SNX15: variants seen among roughly 807,000 people sequenced by gnomAD.
The protein encoded by SNX15 is sorting nexin-15.
SNX15 carries 29 observed loss-of-function variants against 35.2 expected under a neutral mutation model. That is an observed-to-expected ratio of 0.82 (90% confidence interval 0.61 to 1.12). The LOEUF (loss-of-function observed/expected upper bound fraction) is 1.12. SNX15 is among the 50% of genes most tolerant of loss of function. The pLI is 0.00. For synonymous variants in SNX15, 189 were observed against 188.2 expected, an observed-to-expected ratio of 1.00 and a Z score of -0.03; for missense variants, 400 against 451.5, an observed-to-expected ratio of 0.89 and a Z score of 1.03.
chr11:65,037,640 T>C (rs1023094462), intron 6 of SNX15: 19 of 152,202 alleles, frequency 1.2e-4, no homozygotes, highest in African/African-American at 3.4e-4. Flanking sequence ...TACCCTGCCA[T>C]GGTGGGCACC....
chr11:65,034,705 C>T, intron 3 of SNX15, 142 bp from the exon 4 acceptor site: 1 of 628,818 alleles, frequency 1.6e-6, no homozygotes, highest in Non-Finnish European at 2.8e-6. Context: ...CAGGAGGAAC[C>T]AGGGCAGATT....
intron 7 of SNX15, among the ~76,000 whole-genome samples, chr11:65,039,235 A>AT (rs1444020017): frequency 7.1e-6 from 1 of 140,298 alleles, no homozygotes; most frequent in African/African-American, 2.7e-5. Context: ...ATTTATTTTT[A>AT]TTTTTTGAGA....
chr11:65,031,507 C>T (rs1042840006), intron 1 of SNX15, among the ~76,000 whole-genome samples: 3 of 152,240 alleles, frequency 2.0e-5, no homozygotes. Context: ...GATCTTCTCC[C>T]GCAGGGAAGG....
rs759383006 is a variant in SNX15 at position 65,027,564 on chromosome 11, C to T, written c.27C>T (p.Phe9=). MSRQAKDD[F]LRHYTVSDPR... is the part of the protein sequence containing the mutation. The stretch of plus-strand genomic sequence containing the variant: ...TGTCCCGCCAGGCGAAGGATGACTT[C>T]CTGCGGCACTACACAGTGTCGGACC... Residue 9 remains phenylalanine (F), a synonymous_variant, in exon 1 of 8, where the codon TTC becomes TTT. Transcript: ENST00000377244. 11 of 1,613,966 alleles carry T rather than the reference C, an allele frequency of 6.8e-6. No homozygotes were observed. The South Asian group carries it at 9.9e-5, about 14-fold the overall frequency.
In SNX15 at chr11:65,031,061, C is replaced by T. The variant is rs142737775; in HGVS notation, c.100-1107C>T. On this transcript the variant is annotated intron_variant, in intron 1 of 7. Transcript: ENST00000377244. ...TGTGAGAGACAGGGTCTCACTCTCT[C>T]CAGGCTGGAGTGCAGTGGTGCAATC... Among the ~76,000 whole-genome samples the T allele has an allele frequency of 2.6e-3, 399 of 152,126 alleles. 3 individuals carry two copies. The highest frequency in any genetic ancestry group is 9.3e-3 in the African/African-American group (385 of 41,504).
At chr11:65,032,644 G>C (rs1293723006) in intron 3 of SNX15, 93 bp downstream of exon 3, 12 of 1,495,240 alleles carry the variant, frequency 8.0e-6, no homozygotes, top group Non-Finnish European at 2.8e-6. Flanking sequence ...GAGAGGGCCT[G>C]AAACCCTGGG....
chr11:65,035,446 A>G, intron 5 of SNX15, 74 bp from the exon 6 acceptor site: 1 of 1,488,834 alleles, frequency 6.7e-7, no homozygotes. Flanking sequence ...CAAGGGTTTA[A>G]GGAGAGAGTA....
In SNX15 at chr11:65,039,029, C is replaced by CTTTTTTTTT. The variant is rs747153458; in HGVS notation, c.922+211_922+219dup. On this transcript the variant is annotated intron_variant, in intron 7 of 7. Coordinates refer to ENST00000377244, the MANE Select transcript of SNX15 (RefSeq NM_013306.5). ...TTGTGGCCTCAGTTTTCTTCTTCCT[C>CTTTTTTTTT]TTTTTTTTTTTTTTTTTTTGAGACA... 9.9e-4 allele frequency among the ~76,000 whole-genome samples: 72 copies of CTTTTTTTTT among 72,496 alleles called. 8 individuals carry two copies. Among genetic ancestry groups the CTTTTTTTTT allele is most frequent in the East Asian group, 2.7e-3 (11 of 4,064 alleles). The allele number at this position is 72,496 out of a possible 152,430, so 47.6% of individuals were successfully genotyped here. A position where few individuals can be genotyped will look rare whatever the true frequency, so the allele number is the denominator to read the frequency against.
intron 6 of SNX15, chr11:65,037,162 G>C (rs1488923384): frequency 3.9e-5 from 6 of 152,204 alleles, no homozygotes; most frequent in African/African-American, 1.4e-4. Flanking sequence ...GCAGCTAGCT[G>C]CCTGGGCAGG....
chr11:65,038,548 C>T (rs370680178), intron 6 of SNX15, 24 bp from the exon 7 acceptor site: 65 of 1,514,490 alleles, frequency 4.3e-5, no homozygotes, highest in African/African-American at 9.8e-5. Context: ...CAGTCTGGTC[C>T]GAGTCCTCCC....
rs1946560637 is a variant in SNX15, at chr11:65,039,852, C to T, written c.*60C>T. On this transcript the variant is annotated 3_prime_UTR_variant, in exon 8 of 8. Coordinates refer to ENST00000377244, the MANE Select transcript of SNX15 (RefSeq NM_013306.5). ...TGCACTGCCAGCCCCTTCTCCTCTC[C>T]CCAGGGCCTGGCCCTACCTCCTGGT... is the stretch of plus-strand genomic sequence containing the variant. 2.5e-6 allele frequency: 3 copies of T among 1,186,956 alleles called. No homozygotes were observed. The highest frequency in any genetic ancestry group is 3.9e-5 in the Admixed American group (2 of 51,090). The allele number at this position is 1,186,956 out of a possible 1,614,324, so 73.5% of individuals were successfully genotyped here. A position where few individuals can be genotyped will look rare whatever the true frequency, so the allele number is the denominator to read the frequency against.
At chr11:65,035,857 G>C (rs1946496502) in intron 6 of SNX15, 194 bp downstream of exon 6, 1 of 520,926 alleles carries the variant, frequency 1.9e-6, no homozygotes, top group South Asian at 4.0e-5. Context: ...GGTGTGGTGT[G>C]CTGGATGCAC....
chr11:65,035,071 A>C lies in SNX15; in HGVS notation c.385A>C (p.Thr129Pro). ...LKEFFRGGEVTRPLEVSRDLH... is the reference protein window; with the variant it reads ...LKEFFRGGEVPRPLEVSRDLH... ...TTCTGTCCTGCAGGGTGGGGAGGTG[A>C]CCCGACCCTTGGAGGTGTCCAGGGA... Residue 129 changes from threonine (T) to proline (P), a missense_variant, in exon 5 of 8, where the codon ACC (threonine) becomes CCC (proline). Physicochemically the swap from Thr to Pro is conservative, Grantham distance 38. Coordinates refer to ENST00000377244, the MANE Select transcript of SNX15 (RefSeq NM_013306.5). 6.2e-7 allele frequency: 1 copy of C among 1,612,994 alleles called. No homozygotes were observed. The highest frequency in any genetic ancestry group is 8.5e-7 in the Non-Finnish European group (1 of 1,179,678).
At chr11:65,039,501 C>G (rs1052742976) in intron 7 of SNX15, among the ~76,000 whole-genome samples, 185 bp from the exon 8 acceptor site, 1 of 152,192 alleles carries the variant, frequency 6.6e-6, no homozygotes, top group Admixed American at 6.5e-5. Flanking sequence ...GGATTACAGG[C>G]GTGAGCCACC....
In SNX15 at chr11:65,027,496, G is replaced by A. The variant is rs1336765184; in HGVS notation, c.-42G>A. 3 of 1,521,956 alleles carry A rather than the reference G, an allele frequency of 2.0e-6. No individual in the cohort carries two copies. The highest frequency in any genetic ancestry group is 2.7e-6 in the Non-Finnish European group (3 of 1,097,168). The allele number at this position is 1,521,956 out of a possible 1,614,324, so 94.3% of individuals were successfully genotyped here. The stretch of plus-strand genomic sequence containing the variant: ...TGGGCCGGAGGGGTGGGGACGGCGA[G>A]GAGGTGGAGGCCGGCGCTCCGCTCC... On this transcript the variant is annotated 5_prime_UTR_variant, in exon 1 of 8. Coordinates refer to ENST00000377244, the MANE Select transcript of SNX15 (RefSeq NM_013306.5).
chr11:65,035,168 C>G lies in SNX15; in HGVS notation c.482C>G (p.Pro161Arg). ...PDDPRLSQLL[P>R]AERRGLEELE... The stretch of plus-strand genomic sequence containing the variant: ...GACCCCCGGCTATCCCAACTGCTCC[C>G]TGCAGAAAGGAGGGGCCTCGAGGAA... Residue 161 changes from proline to arginine, a missense_variant, in exon 5 of 8, where the codon CCT becomes CGT. Physicochemically the swap from Pro to Arg is moderately radical, Grantham distance 103. Coordinates refer to ENST00000377244, the MANE Select transcript of SNX15 (RefSeq NM_013306.5). 1.3e-6 allele frequency: 2 copies of G among 1,591,488 alleles called. No individual in the cohort carries two copies. The highest frequency in any genetic ancestry group is 1.7e-6 in the Non-Finnish European group (2 of 1,170,820).
At position 65,040,088 on chromosome 11, in the gene SNX15, A is replaced by T; in HGVS notation, c.*296A>T. The stretch of plus-strand genomic sequence containing the variant: ...GGGATCGCGGCTCACTGCAACCTCC[A>T]CCTCCCAGGTTCAAGCAGTTCTCCT... On this transcript the variant is annotated 3_prime_UTR_variant, in exon 8 of 8. Transcript: ENST00000377244. 7.5e-6 allele frequency: 2 copies of T among 266,612 alleles called. No homozygotes were observed. The highest frequency in any genetic ancestry group is 6.8e-5 in the South Asian group (1 of 14,772). The allele number at this position is 266,612 out of a possible 1,614,324, so 16.5% of individuals were successfully genotyped here.
chr11:65,039,048 T>TTTTTTTTTTTTTTTTTTTTTTG (rs1946540115), intron 7 of SNX15, among the ~76,000 whole-genome samples: 1 of 138,148 alleles, frequency 7.2e-6, no homozygotes, highest in African/African-American at 2.7e-5. Flanking sequence ...TTTTTTTTTT[T>TTTTTTTTTTTTTTTTTTTTTTG]GAGACAGAGT....
Position 65,039,783 on chromosome 11 carries a change from C to T in SNX15, c.1020C>T (p.Leu340=), listed in dbSNP as rs1307186425. Residue 340 remains leucine, a synonymous_variant, in exon 8 of 8, where the codon CTC becomes CTT. Coordinates refer to ENST00000377244, the MANE Select transcript of SNX15 (RefSeq NM_013306.5). Reference sequence around the variant, plus strand: ...TCCTGCGCCTGCACCTGTCTCAACTCCCACCCTAACAGGGAGTGGGCCATT... The same window carrying T: ...TCCTGCGCCTGCACCTGTCTCAACTTCCACCCTAACAGGGAGTGGGCCATT... ...EEILRLHLSQ[L]PP 1 of 1,609,436 alleles carries T rather than the reference C, an allele frequency of 6.2e-7. No individual in the cohort carries two copies. Among genetic ancestry groups the T allele is most frequent in the Non-Finnish European group, 8.5e-7 (1 of 1,177,096 alleles).
Sources: gnomAD v4.1 joint callset for allele counts (sites outside exome capture counted in the v4.1 genomes callset) on GRCh38, gnomAD v4.1.1 for gene constraint, MANE v1.5 for transcripts, NCBI Gene and HGNC (gene_info 2026-07-23, HGNC 2026-07-21) for gene names.